FASTKD1: variants seen among roughly 807,000 people sequenced by gnomAD.
The protein encoded by FASTKD1 is FAST kinase domain-containing protein 1, mitochondrial.
A neutral mutation model predicts 90.9 loss-of-function variants in FASTKD1; 94 were observed. That is an observed-to-expected ratio of 1.03 (90% CI 0.88 to 1.23). The LOEUF (loss-of-function observed/expected upper bound fraction) is 1.23. Ranked by LOEUF, FASTKD1 falls within the 50% of genes most tolerant of loss-of-function variation. The probability of loss-of-function intolerance (pLI) is 0.00; values close to 1 mark genes in which losing one functional copy is unlikely to be tolerated. For synonymous variants in FASTKD1, 319 were observed against 345.8 expected (o/e 0.92, Z 0.86); for missense variants, 945 against 993.5 (o/e 0.95, Z 0.66).
rs758671396 is a variant in FASTKD1 at position 169,529,428 on chromosome 2, G to T, written c.*397C>A. Among the ~76,000 whole-genome samples, 2 of 152,134 alleles carry T rather than the reference G, an allele frequency of 1.3e-5. No individual in the cohort carries two copies. The highest frequency in any genetic ancestry group is 2.9e-5 in the Non-Finnish European group (2 of 68,034). On this transcript the variant is annotated 3_prime_UTR_variant, in exon 15 of 15. Transcript: ENST00000453153. ...CACTCTCTCCAAGCCACCATCCATTGTTGTCTGGATTATTGCAATGACCTC... is the reference window on the plus strand; with the variant it reads ...CACTCTCTCCAAGCCACCATCCATTTTTGTCTGGATTATTGCAATGACCTC...
chr2:169,543,167 T>A (rs1045821638), intron 9 of FASTKD1, among the ~76,000 whole-genome samples: 1 of 151,982 alleles, frequency 6.6e-6, no homozygotes, highest in Non-Finnish European at 1.5e-5. Context: ...TGCTGGTTGT[T>A]TAAAAAAAAG....
rs1360993974 is a variant in FASTKD1 at position 169,556,310 on chromosome 2, C to A, written c.1082+877G>T. Among the ~76,000 whole-genome samples the A allele has an allele frequency of 6.6e-5, 10 of 151,852 alleles. No individual in the cohort carries two copies. The East Asian group carries it at 1.9e-3, about 29-fold the overall frequency. ...AAATTAGTGGGCATGGCGACACGTG[C>A]CTGTAGTCCCAGGTACTCAGGAGGC... On this transcript the variant is annotated intron_variant, in intron 6 of 14. Coordinates refer to ENST00000453153, the MANE Select transcript of FASTKD1 (RefSeq NM_024622.6).
At chr2:169,540,758 G>A (rs1217108990) in intron 9 of FASTKD1, among the ~76,000 whole-genome samples, 2 of 152,110 alleles carry the variant, frequency 1.3e-5, no homozygotes, top group Non-Finnish European at 2.9e-5. Context: ...CGGAGAGTAG[G>A]GTTTAACCCA....
rs1040829406 is a variant in FASTKD1 at position 169,563,350 on chromosome 2, C to T, written c.447G>A (p.Arg149=). ...ATTCTGAGAGCAGTTTAATATCAAA[C>T]CTATTAAAGGAAATATACAAAGGAG... ...LVTEAWRRLE[R]FDIKLLSEFS... The change falls in exon 4 of 15, where the codon AGG becomes AGA. Residue 149 remains arginine, a splice_region_variant and synonymous_variant. Coordinates refer to ENST00000453153, the MANE Select transcript of FASTKD1 (RefSeq NM_024622.6). 1.9e-6 allele frequency: 3 copies of T among 1,586,124 alleles called. No individual in the cohort carries two copies. Among genetic ancestry groups the T allele is most frequent in the Non-Finnish European group, 2.6e-6 (3 of 1,157,594 alleles).
intron 4 of FASTKD1, among the ~76,000 whole-genome samples, chr2:169,561,528 T>C (rs533353753): frequency 1.3e-5 from 2 of 151,932 alleles, no homozygotes; most frequent in South Asian, 2.1e-4. Flanking sequence ...TCCTTAAATG[T>C]TAGTTTCAAA....
chr2:169,543,974 G>T (rs1396527133), intron 9 of FASTKD1, among the ~76,000 whole-genome samples: 1 of 152,138 alleles, frequency 6.6e-6, no homozygotes, highest in African/African-American at 2.4e-5. Context: ...ACTGAAACAT[G>T]AACTGTGTAT....
chr2:169,542,200 A>C (rs1684986270), intron 9 of FASTKD1, among the ~76,000 whole-genome samples: 1 of 152,184 alleles, frequency 6.6e-6, no homozygotes, highest in South Asian at 2.1e-4. Flanking sequence ...AACAGAAAGT[A>C]AACTCGATCA....
intron 3 of FASTKD1, among the ~76,000 whole-genome samples, chr2:169,567,266 CAA>C (rs1385763528): frequency 1.3e-5 from 2 of 152,114 alleles, no homozygotes; most frequent in African/African-American, 4.8e-5. Flanking sequence ...TTATAAAACA[CAA>C]AAGACCACCT....
intron 7 of FASTKD1, among the ~76,000 whole-genome samples, chr2:169,549,494 C>G (rs1247934001): frequency 1.3e-5 from 2 of 152,154 alleles, no homozygotes; most frequent in African/African-American, 4.8e-5. Context: ...GAGACAGGGT[C>G]TCACTCTGTT....
Position 169,529,187 on chromosome 2 carries a change from C to T in FASTKD1, c.*638G>A, listed in dbSNP as rs1684373576. Among the ~76,000 whole-genome samples, 1 of 150,826 alleles carries T rather than the reference C, an allele frequency of 6.6e-6. No homozygotes were observed. The highest frequency in any genetic ancestry group is 2.4e-5 in the African/African-American group (1 of 40,992). On this transcript the variant is annotated 3_prime_UTR_variant, in exon 15 of 15. Coordinates refer to ENST00000453153, the MANE Select transcript of FASTKD1 (RefSeq NM_024622.6). Reference sequence around the variant, plus strand: ...ATCTAAAACAAACTTGTGATCAACCCCCACCACCTGCCCCCCATCTTGCTC... The same window carrying T: ...ATCTAAAACAAACTTGTGATCAACCTCCACCACCTGCCCCCCATCTTGCTC...
At position 169,553,754 on chromosome 2, in the gene FASTKD1, A is replaced by G. The variant is rs892833914; in HGVS notation, c.1214+1370T>C. Among the ~76,000 whole-genome samples, 11 of 147,668 alleles carry G rather than the reference A, an allele frequency of 7.4e-5. No homozygotes were observed. In the South Asian group the frequency reaches 1.9e-3, roughly 26 times the overall value. ...AACACAGTGAAACCCCATCTCTACT[A>G]AAAAAAAAATACAAAAAATTAGCCG... On this transcript the variant is annotated intron_variant, in intron 7 of 14. Transcript: ENST00000453153.
At chr2:169,559,392 C>T (rs1683480334) in intron 5 of FASTKD1, among the ~76,000 whole-genome samples, 2 of 152,148 alleles carry the variant, frequency 1.3e-5, no homozygotes, top group South Asian at 4.1e-4. Flanking sequence ...ACTAATCATA[C>T]TTATGTGTTA....
chr2:169,547,234 G>A (rs1685246343), intron 7 of FASTKD1, among the ~76,000 whole-genome samples: 1 of 152,192 alleles, frequency 6.6e-6, no homozygotes, highest in Non-Finnish European at 1.5e-5. Context: ...ATGCGGGAAG[G>A]GGTGCAGAGC....
chr2:169,531,585 G>T, intron 12 of FASTKD1, 95 bp from the exon 13 acceptor site: 2 of 923,140 alleles, frequency 2.2e-6, no homozygotes, highest in African/African-American at 1.7e-5. Flanking sequence ...TATAATATTT[G>T]TACACACACA....
At chr2:169,568,996 C>A (rs1434111344) in intron 3 of FASTKD1, among the ~76,000 whole-genome samples, 188 bp downstream of exon 3, 1 of 139,764 alleles carries the variant, frequency 7.2e-6, no homozygotes, top group African/African-American at 2.6e-5. Flanking sequence ...GAGACTCCAT[C>A]TCAAAAAAAA....
intron 9 of FASTKD1, among the ~76,000 whole-genome samples, chr2:169,544,173 CTG>C (rs1462565421): frequency 1.3e-5 from 2 of 150,566 alleles, no homozygotes; most frequent in East Asian, 3.9e-4. Context: ...AAGGCAAACA[CTG>C]TAAAATGTTA....
intron 4 of FASTKD1, among the ~76,000 whole-genome samples, chr2:169,561,331 G>A (rs1287499151): frequency 2.0e-5 from 3 of 151,042 alleles, no homozygotes; most frequent in Non-Finnish European, 4.4e-5. Context: ...GGCAAGAAGA[G>A]CAGGAAACTA....
intron 3 of FASTKD1, among the ~76,000 whole-genome samples, chr2:169,564,091 G>A (rs1181716845): frequency 2.0e-5 from 3 of 152,010 alleles, no homozygotes; most frequent in Admixed American, 2.0e-4. Flanking sequence ...GCAATGATCA[G>A]TATATTAAAA....
intron 7 of FASTKD1, among the ~76,000 whole-genome samples, chr2:169,553,168 C>A (rs1278504447): frequency 1.3e-5 from 2 of 151,550 alleles, no homozygotes; most frequent in Non-Finnish European, 2.9e-5. Flanking sequence ...TCATGCTCTA[C>A]TGCAGCCTGG....
Sources: gnomAD v4.1 joint callset for allele counts (sites outside exome capture counted in the v4.1 genomes callset) on GRCh38, gnomAD v4.1.1 for gene constraint, MANE v1.5 for transcripts, NCBI Gene and HGNC (gene_info 2026-07-23, HGNC 2026-07-21) for gene names.